Variants in BNC2 observed in about 807,000 individuals in gnomAD.
The protein encoded by BNC2 is basonuclin zinc finger protein 2, also known as zinc finger protein basonuclin-2.
Under a neutral mutation model 76.3 loss-of-function variants are expected in BNC2, and 20 were observed. The observed-to-expected ratio is 0.26, with a 90% CI of 0.18 to 0.38. The LOEUF (loss-of-function observed/expected upper bound fraction) is 0.38, where lower values mean the gene tolerates loss of function less well. Ranked by LOEUF, BNC2 falls within the 10% of genes least tolerant of loss-of-function variation. BNC2 has a pLI of 1.00. For missense variants in BNC2, 1,382 were observed against 1,399.8 expected (o/e 0.99, Z 0.20); for synonymous variants, 582 against 514.8 (o/e 1.13, Z -1.77).
intron 3 of BNC2, among the ~76,000 whole-genome samples, chr9:16,723,199 G>T (rs1824214616): frequency 6.6e-6 from 1 of 152,016 alleles, no homozygotes. Context: ...TAACTGTAAG[G>T]AAGGGAGTAA....
chr9:16,521,907 TG>T (rs1817633314), intron 5 of BNC2, among the ~76,000 whole-genome samples: 1 of 152,194 alleles, frequency 6.6e-6, no homozygotes, highest in Non-Finnish European at 1.5e-5. Context: ...ACAATGTTCT[TG>T]GAAAAAATTA....
intron 4 of BNC2, among the ~76,000 whole-genome samples, chr9:16,577,277 C>A (rs1340114561): frequency 2.0e-5 from 3 of 151,600 alleles, no homozygotes; most frequent in Non-Finnish European, 4.4e-5. Context: ...TCTATAAATA[C>A]CCCTGGTCTG....
intron 1 of BNC2, among the ~76,000 whole-genome samples, chr9:16,765,989 G>T (rs7847232): frequency 2.6e-5 from 4 of 151,948 alleles, no homozygotes; most frequent in African/African-American, 7.2e-5. Context: ...GGATTTCACC[G>T]TGTTAGCCAG....
chr9:16,509,961 C>T lies in BNC2; in HGVS notation c.669+42569G>A, dbSNP rs529492250. On this transcript the variant is annotated intron_variant, in intron 5 of 6. Coordinates refer to ENST00000380672, the MANE Select transcript of BNC2 (RefSeq NM_017637.6). ...TTGAGTGCAAGTATTTTTGAAGATT[C>T]TAGGCTGTTTCCAGGTCTTACACTG... 9.9e-5 allele frequency among the ~76,000 whole-genome samples: 15 copies of T among 152,272 alleles called. No homozygotes were observed. In the South Asian group the frequency reaches 2.9e-3, roughly 30 times the overall value.
At chr9:16,525,764 A>C (rs1817780490) in intron 5 of BNC2, among the ~76,000 whole-genome samples, 1 of 152,196 alleles carries the variant, frequency 6.6e-6, no homozygotes, top group South Asian at 2.1e-4. Context: ...TGTGCTCACT[A>C]TATTCCCCTT....
intron 3 of BNC2, among the ~76,000 whole-genome samples, chr9:16,675,762 T>A (rs187263479): frequency 1.3e-5 from 2 of 152,312 alleles, no homozygotes; most frequent in Non-Finnish European, 2.9e-5. Context: ...TTAGGTTACA[T>A]AACTTAAGTA....
At chr9:16,791,225 C>T (rs925965141) in intron 1 of BNC2, among the ~76,000 whole-genome samples, 1 of 152,138 alleles carries the variant, frequency 6.6e-6, no homozygotes, top group African/African-American at 2.4e-5. Context: ...CCATGCCTGG[C>T]TAATTTTTTG....
In BNC2 at chr9:16,689,257, A is replaced by G. The variant is rs138311023; in HGVS notation, c.330+38540T>C. 1.8e-3 allele frequency among the ~76,000 whole-genome samples: 268 copies of G among 152,250 alleles called. 2 individuals are homozygous for G. Among genetic ancestry groups the G allele is most frequent in the Middle Eastern group, 0.017 (5 of 294 alleles). On this transcript the variant is annotated intron_variant, in intron 3 of 6. Coordinates refer to ENST00000380672, the MANE Select transcript of BNC2 (RefSeq NM_017637.6). ...GTTGTAAATGGGAGCTACCGTTGAAAATATTTGAAGATGAATGGCTGTGAA... is the reference window on the plus strand; with the variant it reads ...GTTGTAAATGGGAGCTACCGTTGAAGATATTTGAAGATGAATGGCTGTGAA...
intron 5 of BNC2, among the ~76,000 whole-genome samples, chr9:16,542,967 C>G (rs1818370492): frequency 6.6e-6 from 1 of 152,162 alleles, no homozygotes; most frequent in African/African-American, 2.4e-5. Context: ...AGAGTTTTCT[C>G]ATGACTCTTC....
intron 5 of BNC2, among the ~76,000 whole-genome samples, chr9:16,513,549 C>G (rs1167106202): frequency 6.6e-6 from 1 of 152,106 alleles, no homozygotes; most frequent in Non-Finnish European, 1.5e-5. Context: ...TCGTGATCCT[C>G]CCGCCTCGGC....
At chr9:16,565,171 A>C (rs1261649596) in intron 4 of BNC2, among the ~76,000 whole-genome samples, 1 of 152,172 alleles carries the variant, frequency 6.6e-6, no homozygotes, top group Non-Finnish European at 1.5e-5. Context: ...TCTTCTCAAA[A>C]TACTGCTTAG....
intron 1 of BNC2, among the ~76,000 whole-genome samples, chr9:16,812,578 A>T (rs1818079409): frequency 6.6e-6 from 1 of 152,208 alleles, no homozygotes. Context: ...ACCAGGGGGA[A>T]GTCATTTTTG....
At chr9:16,579,186 A>C (rs991022405) in intron 4 of BNC2, among the ~76,000 whole-genome samples, 3 of 152,332 alleles carry the variant, frequency 2.0e-5, no homozygotes, top group Admixed American at 1.3e-4. Context: ...AAGGATTTTA[A>C]GAAAATACTC....
intron 1 of BNC2, among the ~76,000 whole-genome samples, chr9:16,851,380 C>A (rs1213514490): frequency 1.3e-5 from 2 of 151,878 alleles, no homozygotes; most frequent in African/African-American, 4.8e-5. Flanking sequence ...ATGGCTCATG[C>A]GTGTAGTCCC....
chr9:16,545,666 C>A (rs1421681714), intron 5 of BNC2, among the ~76,000 whole-genome samples: 1 of 152,120 alleles, frequency 6.6e-6, no homozygotes, highest in Non-Finnish European at 1.5e-5. Context: ...CCTGAGAGTA[C>A]CTGCCAAGCC....
rs556577672 is a variant in BNC2, at chr9:16,572,329, G to C, written c.433+10654C>G. Among the ~76,000 whole-genome samples, 90 of 152,274 alleles carry C rather than the reference G, an allele frequency of 5.9e-4. 1 individual carries two copies. Among genetic ancestry groups the C allele is most frequent in the African/African-American group, 2.1e-3 (89 of 41,562 alleles). On this transcript the variant is annotated intron_variant, in intron 4 of 6. Coordinates refer to ENST00000380672, the MANE Select transcript of BNC2 (RefSeq NM_017637.6). ...AACAGCAAAGGTGAAAATAGAATGA[G>C]AACTGGAAAAGAAAAACGCACAAAT... is the stretch of plus-strand genomic sequence containing the variant.
chr9:16,503,840 C>G (rs535787428), intron 5 of BNC2, among the ~76,000 whole-genome samples: 20 of 152,156 alleles, frequency 1.3e-4, no homozygotes, highest in Non-Finnish European at 2.8e-4. Context: ...TGGGCCTCTT[C>G]ATGTGCCAAC....
chr9:16,515,817 G>GATAT (rs138825005), intron 5 of BNC2, among the ~76,000 whole-genome samples: 41 of 144,318 alleles, frequency 2.8e-4, no homozygotes, highest in African/African-American at 7.4e-4. Flanking sequence ...CTAAAAAAAA[G>GATAT]ATATATATAT....
At chr9:16,850,370 A>G (rs1164271794) in intron 1 of BNC2, among the ~76,000 whole-genome samples, 2 of 152,240 alleles carry the variant, frequency 1.3e-5, no homozygotes, top group Non-Finnish European at 2.9e-5. Context: ...ACCAATTCTT[A>G]TATAGTGAAA....
Sources: gnomAD v4.1 joint callset for allele counts (sites outside exome capture counted in the v4.1 genomes callset) on GRCh38, gnomAD v4.1.1 for gene constraint, MANE v1.5 for transcripts, NCBI Gene and HGNC (gene_info 2026-07-23, HGNC 2026-07-21) for gene names.